Variants in SPAG16 observed in about 807,000 individuals in gnomAD.
SPAG16 encodes the protein sperm associated antigen 16.
A neutral mutation model predicts 80.4 loss-of-function variants in SPAG16; 86 were observed. That is an observed-to-expected ratio of 1.07 (90% CI 0.90 to 1.28). The LOEUF is 1.28. Ranked by LOEUF, SPAG16 falls within the 50% of genes most tolerant of loss-of-function variation. The probability of loss-of-function intolerance (pLI) is 0.00; values close to 1 mark genes in which losing one functional copy is unlikely to be tolerated. For synonymous variants in SPAG16, 294 were observed against 265.9 expected, an observed-to-expected ratio of 1.11 and a Z score of -1.03; for missense variants, 870 against 765.3, an observed-to-expected ratio of 1.14 and a Z score of -1.61.
At chr2:213,740,974 C>T (rs1407402080) in intron 10 of SPAG16, among the ~76,000 whole-genome samples, 1 of 152,090 alleles carries the variant, frequency 6.6e-6, no homozygotes, top group African/African-American at 2.4e-5. Context: ...TATATCATGC[C>T]ATAGTGTGAG....
Position 213,549,480 on chromosome 2 carries a change from A to T in SPAG16, c.1070+59390A>T, listed in dbSNP as rs557622630. On this transcript the variant is annotated intron_variant, in intron 10 of 15. Coordinates refer to ENST00000331683, the MANE Select transcript of SPAG16 (RefSeq NM_024532.5). ...GAGTCACCTCTGTTTCTTACTTCTC[A>T]CTCTGCAGTCCTATTGATTCTGACT... Among the ~76,000 whole-genome samples the T allele has an allele frequency of 2.0e-5, 3 of 151,908 alleles. No homozygotes were observed. In the East Asian group the frequency reaches 5.8e-4, roughly 29 times the overall value.
chr2:213,966,817 C>T (rs2044733235), intron 12 of SPAG16, among the ~76,000 whole-genome samples: 1 of 152,142 alleles, frequency 6.6e-6, no homozygotes, highest in African/African-American at 2.4e-5. Context: ...TGACTCTGCC[C>T]TGATATTTCA....
chr2:214,390,359 A>T (rs1701005483), intron 15 of SPAG16, among the ~76,000 whole-genome samples: 2 of 135,118 alleles, frequency 1.5e-5, no homozygotes, highest in South Asian at 4.8e-4. Flanking sequence ...AAAAAAAAAA[A>T]GTCCTTTTCA....
chr2:213,933,501 T>C (rs2078859394), intron 12 of SPAG16, among the ~76,000 whole-genome samples: 1 of 152,210 alleles, frequency 6.6e-6, no homozygotes, highest in South Asian at 2.1e-4. Flanking sequence ...TATCACACTG[T>C]TACTCTGATA....
chr2:213,935,201 C>CAA (rs397872306), intron 12 of SPAG16, among the ~76,000 whole-genome samples: 25 of 102,706 alleles, frequency 2.4e-4, no homozygotes, highest in African/African-American at 6.9e-4. Flanking sequence ...GACTCCATCT[C>CAA]AAAAAAAAAA....
intron 15 of SPAG16, among the ~76,000 whole-genome samples, chr2:214,267,961 C>A (rs1045040248): frequency 6.6e-6 from 1 of 151,742 alleles, no homozygotes; most frequent in Non-Finnish European, 1.5e-5. Context: ...ACAAGGAAAT[C>A]AAACTACTTA....
intron 7 of SPAG16, among the ~76,000 whole-genome samples, chr2:213,355,041 T>C (rs575064737): frequency 6.6e-6 from 1 of 152,312 alleles, no homozygotes; most frequent in Non-Finnish European, 1.5e-5. Context: ...AATTTTTGTA[T>C]AAGGTGTAAA....
chr2:213,913,670 C>CATGTACAT (rs2077807630), intron 11 of SPAG16, among the ~76,000 whole-genome samples: 2 of 64,814 alleles, frequency 3.1e-5, no homozygotes, highest in African/African-American at 8.3e-5. Flanking sequence ...TGTATATGTA[C>CATGTACAT]ATATGGATAT....
At chr2:213,447,977 A>G (rs536237098) in intron 9 of SPAG16, among the ~76,000 whole-genome samples, 97 of 152,336 alleles carry the variant, frequency 6.4e-4, no homozygotes, top group African/African-American at 2.3e-3. Flanking sequence ...AATTGCTGTG[A>G]TCATGGGCCT....
At chr2:214,051,506 T>C (rs2049640929) in intron 13 of SPAG16, among the ~76,000 whole-genome samples, 1 of 152,232 alleles carries the variant, frequency 6.6e-6, no homozygotes, top group South Asian at 2.1e-4. Context: ...CCCCATCTTA[T>C]TCACTTCAAT....
At chr2:214,115,904 C>T (rs909415007) in intron 14 of SPAG16, among the ~76,000 whole-genome samples, 2 of 151,590 alleles carry the variant, frequency 1.3e-5, no homozygotes, top group Non-Finnish European at 2.9e-5. Context: ...AAAAGTAACC[C>T]TCCTATCTCC....
chr2:213,968,633 T>C lies in SPAG16; in HGVS notation c.1400+38488T>C, dbSNP rs1364210533. 2.6e-5 allele frequency among the ~76,000 whole-genome samples: 4 copies of C among 152,224 alleles called. No individual in the cohort carries two copies. The East Asian group carries it at 7.7e-4, about 29-fold the overall frequency. The stretch of plus-strand genomic sequence containing the variant: ...CTAGACTTTTTTATTTCAGTTCTTT[T>C]CTCTTAGTGAGACAAAGCTGCAAAT... On this transcript the variant is annotated intron_variant, in intron 12 of 15. Transcript: ENST00000331683.
At chr2:214,239,224 GA>G (rs1290312994) in intron 15 of SPAG16, 1 of 151,822 alleles carries the variant, frequency 6.6e-6, no homozygotes, top group Non-Finnish European at 1.5e-5. Flanking sequence ...TGTAGAAATG[GA>G]GTGCCACTAT....
Position 213,310,253 on chromosome 2 carries a change from A to G in SPAG16, c.398+76A>G, listed in dbSNP as rs935052286. ...TATACACTTTTAAGTGTCTTAGGAG[A>G]CTTTGAAATGACTCAGCCTATGAAA... On this transcript the variant is annotated intron_variant, in intron 4 of 15. Coordinates refer to ENST00000331683, the MANE Select transcript of SPAG16 (RefSeq NM_024532.5). 1.3e-5 allele frequency: 13 copies of G among 1,006,328 alleles called. No individual in the cohort carries two copies. In the African/African-American group the frequency reaches 1.8e-4, roughly 14 times the overall value. 62.3% of individuals were successfully genotyped at this position (1,006,328 alleles called of 1,614,324 possible).
At chr2:214,169,754 G>C (rs1247564299) in intron 15 of SPAG16, among the ~76,000 whole-genome samples, 1 of 151,970 alleles carries the variant, frequency 6.6e-6, no homozygotes, top group Non-Finnish European at 1.5e-5. Context: ...AGTTAAATGT[G>C]GTCTCATTTA....
At chr2:213,404,300 TCAAAC>T (rs1198687412) in intron 9 of SPAG16, among the ~76,000 whole-genome samples, 1 of 152,140 alleles carries the variant, frequency 6.6e-6, no homozygotes, top group Non-Finnish European at 1.5e-5. Flanking sequence ...CTACCTGACT[TCAAAC>T]TATACTACAA....
intron 10 of SPAG16, among the ~76,000 whole-genome samples, chr2:213,727,894 G>A (rs777184787): frequency 1.3e-5 from 2 of 152,090 alleles, no homozygotes; most frequent in South Asian, 2.1e-4. Context: ...TGTCGCCCAG[G>A]TTGGAGTGCA....
chr2:214,015,294 G>A (rs1281566244), intron 13 of SPAG16, among the ~76,000 whole-genome samples: 2 of 152,086 alleles, frequency 1.3e-5, no homozygotes, highest in Non-Finnish European at 2.9e-5. Flanking sequence ...TCAGTATTGA[G>A]GTCTTTTGAA....
chr2:213,956,639 G>T (rs1340018239), intron 12 of SPAG16, among the ~76,000 whole-genome samples: 3 of 151,706 alleles, frequency 2.0e-5, no homozygotes, highest in Non-Finnish European at 4.4e-5. Flanking sequence ...GTAGAGATGG[G>T]GTTTCACCAT....
Sources: gnomAD v4.1 joint callset for allele counts (sites outside exome capture counted in the v4.1 genomes callset) on GRCh38, gnomAD v4.1.1 for gene constraint, MANE v1.5 for transcripts, NCBI Gene and HGNC (gene_info 2026-07-23, HGNC 2026-07-21) for gene names.